DNMBP: variants seen among roughly 807,000 people sequenced by gnomAD.
DNMBP encodes the protein dynamin binding protein, also known as dynamin-binding protein.
DNMBP carries 87 observed loss-of-function variants against 150.0 expected under a neutral mutation model. That is an observed-to-expected ratio of 0.58 (90% CI 0.49 to 0.69). DNMBP has a LOEUF of 0.69. DNMBP is among the 30% of genes least tolerant of loss of function. The pLI, the probability that DNMBP is intolerant of heterozygous loss-of-function variation, is 0.00. For missense variants in DNMBP, 1,774 were observed against 1,949.0 expected (o/e 0.91, Z 1.69); for synonymous variants, 711 against 750.4 (o/e 0.95, Z 0.86).
rs370265376 is a variant in DNMBP at position 99,898,745 on chromosome 10, T to C, written c.2718A>G (p.Glu906=). Residue 906 remains glutamate (E), a splice_region_variant and synonymous_variant, in exon 8 of 17, where the codon GAA becomes GAG. Coordinates refer to ENST00000324109, the MANE Select transcript of DNMBP (RefSeq NM_015221.4). ...SLADLKSLYN[E]WGCTNYINLG... ...CATCAAGCAGCAATGGAACTTACCA[T>C]TCGTTGTATAGGCTCCTGCAAGGCA... 1.2e-6 allele frequency: 2 copies of C among 1,613,912 alleles called. No homozygotes were observed. The highest frequency in any genetic ancestry group is 1.7e-5 in the Admixed American group (1 of 59,982).
At chr10:99,991,476 T>C (rs955804263) in intron 1 of DNMBP, among the ~76,000 whole-genome samples, 2 of 152,066 alleles carry the variant, frequency 1.3e-5, no homozygotes, top group East Asian at 1.9e-4. Flanking sequence ...TCTCTATATA[T>C]AGATTTGCCT....
At chr10:99,888,775 T>C (rs778561078) in intron 12 of DNMBP, 50 bp downstream of exon 12, 7 of 1,609,674 alleles carry the variant, frequency 4.3e-6, no homozygotes, top group Non-Finnish European at 3.4e-6. Flanking sequence ...GCTGATGTAT[T>C]TGAGATGACC....
chr10:100,001,410 G>GT (rs1346291816), intron 1 of DNMBP, among the ~76,000 whole-genome samples: 32,070 of 94,800 alleles, frequency 0.34, 5,073 homozygotes, highest in African/African-American at 0.36. Context: ...TTTTGTTGTT[G>GT]TTGTTTTTTT....
chr10:99,917,911 T>C (rs964323470), intron 4 of DNMBP, among the ~76,000 whole-genome samples: 10 of 148,946 alleles, frequency 6.7e-5, no homozygotes, highest in South Asian at 2.1e-4. Flanking sequence ...AGAGGTTGCA[T>C]TGAGCCAAGA....
intron 16 of DNMBP, among the ~76,000 whole-genome samples, 159 bp from the exon 17 acceptor site, chr10:99,877,495 T>G (rs1464879631): frequency 6.6e-6 from 1 of 152,162 alleles, no homozygotes; most frequent in Non-Finnish European, 1.5e-5. Context: ...TTTTTAATCT[T>G]ATTTAATTTT....
Position 99,955,934 on chromosome 10 carries a change from C to A in DNMBP, c.1540G>T (p.Val514Phe). 1 of 1,614,180 alleles carries A rather than the reference C, an allele frequency of 6.2e-7. No homozygotes were observed. Among genetic ancestry groups the A allele is most frequent in the Non-Finnish European group, 8.5e-7 (1 of 1,180,026 alleles). Residue 514 changes from valine to phenylalanine, a missense_variant, in exon 4 of 17, where the codon GTT (valine) becomes TTT (phenylalanine). By Grantham distance (50) the Val-to-Phe change is conservative. Around this residue, in one of 2 missense-constraint regions of DNMBP, gnomAD observed 1,430 missense variants for 1,492.5 expected, o/e 0.96. Coordinates refer to ENST00000324109, the MANE Select transcript of DNMBP (RefSeq NM_015221.4). ...SYTKKHHTSSVYSISERLEMK... is the reference protein window; with the variant it reads ...SYTKKHHTSSFYSISERLEMK... ...TCCAATCTCTCTGAGATGGAGTAAA[C>A]ACTGGACGTGTGGTGCTTTTTAGTA...
chr10:99,890,416 T>C (rs1239836387), intron 11 of DNMBP, among the ~76,000 whole-genome samples: 3 of 152,206 alleles, frequency 2.0e-5, no homozygotes, highest in Non-Finnish European at 4.4e-5. Context: ...CAGAACTAAA[T>C]TGATACTTCC....
chr10:99,936,979 A>G (rs2040241130), intron 4 of DNMBP, among the ~76,000 whole-genome samples: 1 of 152,064 alleles, frequency 6.6e-6, no homozygotes, highest in African/African-American at 2.4e-5. Context: ...GCTCACTGCA[A>G]CCTCTACATC....
chr10:99,905,199 T>A (rs2039807652), intron 6 of DNMBP, among the ~76,000 whole-genome samples: 1 of 152,186 alleles, frequency 6.6e-6, no homozygotes. Context: ...CAACTCAATG[T>A]GTGTATCTCC....
At chr10:99,914,223 C>G in intron 4 of DNMBP, 1 of 802,718 alleles carries the variant, frequency 1.2e-6, no homozygotes, top group Non-Finnish European at 1.7e-6. Flanking sequence ...TGGATCAACA[C>G]CTTCCTTTCT....
chr10:99,912,388 A>G (rs1352422238), intron 4 of DNMBP, among the ~76,000 whole-genome samples: 1 of 152,188 alleles, frequency 6.6e-6, no homozygotes, highest in Non-Finnish European at 1.5e-5. Context: ...TTACTCATCA[A>G]TCAGAAGCCA....
chr10:99,987,498 C>A (rs2040841738), intron 1 of DNMBP, among the ~76,000 whole-genome samples: 1 of 152,098 alleles, frequency 6.6e-6, no homozygotes, highest in African/African-American at 2.4e-5. Flanking sequence ...CTTTGGGAGT[C>A]CAAGGCAGGT....
chr10:99,968,767 G>A lies in DNMBP; in HGVS notation c.268+348C>T, dbSNP rs78342512. Among the ~76,000 whole-genome samples, 997 of 151,670 alleles carry A rather than the reference G, an allele frequency of 6.6e-3. 11 individuals carry two copies. The highest frequency in any genetic ancestry group is 0.023 in the African/African-American group (953 of 41,314). ...ATGGGGGCATTGGAAAGATAACACTGGACTTAGAATATGATCAGTTCATAT... is the reference window on the plus strand; with the variant it reads ...ATGGGGGCATTGGAAAGATAACACTAGACTTAGAATATGATCAGTTCATAT... On this transcript the variant is annotated intron_variant, in intron 3 of 16. Coordinates refer to ENST00000324109, the MANE Select transcript of DNMBP (RefSeq NM_015221.4).
At chr10:99,928,678 T>C (rs1177858625) in intron 4 of DNMBP, among the ~76,000 whole-genome samples, 3 of 152,228 alleles carry the variant, frequency 2.0e-5, no homozygotes, top group Non-Finnish European at 4.4e-5. Context: ...TGAGATGAAG[T>C]GATTTGAAAG....
At chr10:99,990,688 T>TATAC (rs2040876729) in intron 1 of DNMBP, among the ~76,000 whole-genome samples, 1 of 150,504 alleles carries the variant, frequency 6.6e-6, no homozygotes, top group South Asian at 2.1e-4. Context: ...TATACACACA[T>TATAC]ATATATACAC....
chr10:99,885,903 A>G (rs1200053724), intron 13 of DNMBP, 37 bp from the exon 14 acceptor site: 22 of 1,537,608 alleles, frequency 1.4e-5, no homozygotes, highest in Non-Finnish European at 1.8e-5. Flanking sequence ...AGAGAAAAGA[A>G]GAAAACACGA....
chr10:99,902,620 A>G (rs925386523), intron 6 of DNMBP, among the ~76,000 whole-genome samples: 143 of 40,620 alleles, frequency 3.5e-3, no homozygotes, highest in Non-Finnish European at 4.6e-3. Flanking sequence ...GCCTCCCTTT[A>G]AAAAAAAAAA....
At chr10:99,885,479 C>T (rs1479208442) in intron 14 of DNMBP, among the ~76,000 whole-genome samples, 1 of 152,112 alleles carries the variant, frequency 6.6e-6, no homozygotes, top group African/African-American at 2.4e-5. Flanking sequence ...CCACTGCACT[C>T]CAGCCTGGCA....
intron 4 of DNMBP, chr10:99,928,019 C>A (rs2040101982): frequency 6.6e-6 from 1 of 151,996 alleles, no homozygotes; most frequent in Admixed American, 6.6e-5. Flanking sequence ...AGACTTTTTT[C>A]TTTTTTAGCT....
Sources: gnomAD v4.1 joint callset for allele counts (sites outside exome capture counted in the v4.1 genomes callset) on GRCh38, gnomAD v4.1.1 for gene constraint, gnomAD v4.1.1 regional missense constraint, MANE v1.5 for transcripts, NCBI Gene and HGNC (gene_info 2026-07-23, HGNC 2026-07-21) for gene names.